Variants in PDE12 observed in about 807,000 individuals in gnomAD.
PDE12 encodes phosphodiesterase 12.
Under a neutral mutation model 45.4 loss-of-function variants are expected in PDE12, and 26 were observed. The ratio of observed to expected loss-of-function variants is 0.57; its 90% confidence interval spans 0.42 to 0.79. The LOEUF is 0.79. PDE12 is among the 30% of genes least tolerant of loss of function. PDE12 has a pLI of 0.00. For synonymous variants in PDE12, 283 were observed against 323.9 expected (o/e 0.87, Z 1.36); for missense variants, 668 against 790.0 (o/e 0.85, Z 1.85).
the PDE12 span, among the ~76,000 whole-genome samples, chr3:57,583,414 A>G: frequency 1.5e-3 from 225 of 152,294 alleles, 1 homozygote; most frequent in South Asian, 3.9e-3. Flanking sequence ...GGATCACTAA[A>G]GTCTCTTCCA....
chr3:57,622,626 G>A, the PDE12 span, among the ~76,000 whole-genome samples: 1 of 152,142 alleles, frequency 6.6e-6, no homozygotes, highest in African/African-American at 2.4e-5. Context: ...CCAAGGACTA[G>A]TACATGAGTG....
the PDE12 span, among the ~76,000 whole-genome samples, chr3:57,579,350 C>T: frequency 6.6e-6 from 1 of 150,710 alleles, no homozygotes; most frequent in Admixed American, 6.6e-5. Flanking sequence ...TGCAGTGGTG[C>T]CATCTCAGCT....
At chr3:57,631,309 G>A in the PDE12 span, 6 of 199,390 alleles carry the variant, frequency 3.0e-5, no homozygotes, top group South Asian at 3.0e-4. Flanking sequence ...CGATTCTCCC[G>A]CCTCAGTCTC....
At chr3:57,559,259 A>C in intron 1 of PDE12, 51 bp from the exon 2 acceptor site, 1 of 1,383,378 alleles carries the variant, frequency 7.2e-7, no homozygotes, top group Non-Finnish European at 1.0e-6. Context: ...AAAAACATTC[A>C]GGAGATTTGC....
chr3:57,604,320 A>G, the PDE12 span, among the ~76,000 whole-genome samples: 3 of 152,198 alleles, frequency 2.0e-5, no homozygotes, highest in Non-Finnish European at 2.9e-5. Context: ...TCTAAAAATT[A>G]GATTTACTGA....
Position 57,556,416 on chromosome 3 carries a change from G to A in PDE12, c.37G>A (p.Val13Met), listed in dbSNP as rs766335897. 44 of 1,608,174 alleles carry A rather than the reference G, an allele frequency of 2.7e-5. No individual in the cohort carries two copies. Among genetic ancestry groups the A allele is most frequent in the Non-Finnish European group, 3.7e-5 (43 of 1,177,710 alleles). ...CCCAGGCGCCCGCGCCGCGCTTCGG[G>A]TGATCCGGACGGCGGTGGAGAAGCT... The part of the protein sequence containing the change: ...RLPGARAALR[V>M]IRTAVEKLSR... Residue 13 changes from valine to methionine, a missense_variant, in exon 1 of 3, where the codon GTG (valine) becomes ATG (methionine). Physicochemically the swap from Val to Met is conservative, Grantham distance 21. This residue lies in a region of PDE12 where 580 missense variants were observed against 662.9 expected (regional missense o/e 0.87). Transcript: ENST00000311180. The surrounding 1 kb of genome is among the most constrained non-coding windows in gnomAD (Gnocchi z 5.0).
At chr3:57,597,161 T>A in the PDE12 span, 72 of 1,609,612 alleles carry the variant, frequency 4.5e-5, no homozygotes, top group Non-Finnish European at 6.0e-5. Context: ...GCACTTGTGA[T>A]GGGCAGAAGC....
At chr3:57,583,869 A>T in the PDE12 span, 22 of 1,463,830 alleles carry the variant, frequency 1.5e-5, no homozygotes, top group Non-Finnish European at 2.1e-5. Context: ...CCACAAAGAA[A>T]AGTTATAAAA....
chr3:57,613,745 A>G, the PDE12 span, among the ~76,000 whole-genome samples: 1 of 151,234 alleles, frequency 6.6e-6, no homozygotes, highest in Non-Finnish European at 1.5e-5. Context: ...CTAAAAATAC[A>G]AAAAAATTAG....
the PDE12 span, among the ~76,000 whole-genome samples, chr3:57,579,972 A>G: frequency 6.6e-6 from 1 of 152,146 alleles, no homozygotes; most frequent in South Asian, 2.1e-4. Context: ...ATGGTGGCAC[A>G]TGTCTATAGT....
At chr3:57,576,849 A>G in the PDE12 span, among the ~76,000 whole-genome samples, 1 of 152,158 alleles carries the variant, frequency 6.6e-6, no homozygotes, top group African/African-American at 2.4e-5. Context: ...TTAAATGGTT[A>G]CTATTAAAAA....
chr3:57,615,957 A>C, the PDE12 span, among the ~76,000 whole-genome samples: 3 of 152,144 alleles, frequency 2.0e-5, no homozygotes, highest in African/African-American at 7.2e-5. Flanking sequence ...TGAGGGAATA[A>C]TTTCATGTCC....
At chr3:57,617,872 TAAAA>T in the PDE12 span, among the ~76,000 whole-genome samples, 1 of 137,848 alleles carries the variant, frequency 7.3e-6, no homozygotes, top group Non-Finnish European at 1.6e-5. Flanking sequence ...GACTCTGCCT[TAAAA>T]AAAAAAAACA....
the PDE12 span, among the ~76,000 whole-genome samples, chr3:57,593,074 G>A: frequency 0.75 from 113,682 of 151,924 alleles, 44,625 homozygotes; most frequent in East Asian, 1. Context: ...GGGCATAGTG[G>A]CGCCTGTAGT....
At position 57,559,749 on chromosome 3, in the gene PDE12, G is replaced by A; in HGVS notation, c.1575G>A (p.Gly525=). 6.2e-7 allele frequency: 1 copy of A among 1,614,180 alleles called. No homozygotes were observed. The highest frequency in any genetic ancestry group is 8.5e-7 in the Non-Finnish European group (1 of 1,180,026). ...PEDHEDWASN[G]EEERCNMSLT... is the part of the protein sequence containing the mutation. ...ATCATGAAGACTGGGCTTCCAATGG[G>A]GAGGAGGAAAGATGCAATATGTCTC... Residue 525 remains glycine (G), a synonymous_variant, in exon 3 of 3, where the codon GGG becomes GGA. Transcript: ENST00000311180.
chr3:57,631,576 G>C, the PDE12 span, among the ~76,000 whole-genome samples: 1 of 152,250 alleles, frequency 6.6e-6, no homozygotes, highest in East Asian at 1.9e-4. Context: ...TTACATGCAT[G>C]ATCTCTTGTA....
chr3:57,596,591 C>G, the PDE12 span: 2,047 of 153,220 alleles, frequency 0.013, 50 homozygotes, highest in African/African-American at 0.046. Flanking sequence ...GCTCCAGGCT[C>G]CGGGTGGCCG....
chr3:57,612,466 G>C, the PDE12 span, among the ~76,000 whole-genome samples: 1 of 151,940 alleles, frequency 6.6e-6, no homozygotes, highest in Non-Finnish European at 1.5e-5. Context: ...TCACTCAAAA[G>C]AGATAAAGTG....
rs759477671 is a variant in PDE12 at position 57,561,910 on chromosome 3, C to T, written c.*1906C>T. 27 of 984,854 alleles carry T rather than the reference C, an allele frequency of 2.7e-5. No individual in the cohort carries two copies. Among genetic ancestry groups the T allele is most frequent in the East Asian group, 2.3e-4 (2 of 8,832 alleles). The allele number at this position is 984,854 out of a possible 1,614,324, so 61.0% of individuals were successfully genotyped here. ...GGGAAAATTAAAGTGGAAGTTTCTT[C>T]GGATCTTGTTTAGAAAAAACTATAA... On this transcript the variant is annotated 3_prime_UTR_variant, in exon 3 of 3. Coordinates refer to ENST00000311180, the MANE Select transcript of PDE12 (RefSeq NM_177966.7).
Sources: allele counts gnomAD v4.1 joint callset (sites outside exome capture counted in the v4.1 genomes callset), GRCh38; gene constraint gnomAD v4.1.1; regional missense constraint gnomAD v4.1.1; non-coding constraint Gnocchi (gnomAD v3.1); transcripts MANE v1.5; gene names NCBI Gene and HGNC (gene_info 2026-07-23, HGNC 2026-07-21).